AFF3: variants seen among roughly 807,000 people sequenced by gnomAD.
The protein encoded by AFF3 is AF4/FMR2 family member 3.
In AFF3, 32 loss-of-function variants were observed where a neutral mutation model predicts 129.7. That is an observed-to-expected ratio of 0.25 (90% CI 0.19 to 0.33). The LOEUF is 0.33. AFF3 is among the 10% of genes least tolerant of loss of function. The pLI is 1.00. For synonymous variants in AFF3, 644 were observed against 635.4 expected, an observed-to-expected ratio of 1.01 and a Z score of -0.20; for missense variants, 1,373 against 1,592.0, an observed-to-expected ratio of 0.86 and a Z score of 2.34.
chr2:99,938,676 G>A (rs574118157), intron 7 of AFF3, among the ~76,000 whole-genome samples: 2 of 152,284 alleles, frequency 1.3e-5, no homozygotes, highest in African/African-American at 4.8e-5. Context: ...GGCCCTCAGG[G>A]AAGAGGGAAT....
intron 10 of AFF3, among the ~76,000 whole-genome samples, chr2:99,738,592 G>A (rs1034256981): frequency 2.6e-5 from 4 of 151,806 alleles, no homozygotes; most frequent in Non-Finnish European, 4.4e-5. Context: ...TCTTTTTGGC[G>A]TCACTGGTTA....
chr2:99,678,706 T>A (rs1168241184), intron 11 of AFF3, among the ~76,000 whole-genome samples: 12 of 152,278 alleles, frequency 7.9e-5, no homozygotes, highest in Admixed American at 7.8e-4. Flanking sequence ...GACAAATGTT[T>A]ATGAATCTCC....
intron 8 of AFF3, among the ~76,000 whole-genome samples, chr2:99,806,466 G>T (rs1372894279): frequency 6.6e-6 from 1 of 152,172 alleles, no homozygotes; most frequent in Admixed American, 6.5e-5. Flanking sequence ...GGAGCATGGA[G>T]GAGGATGAGG....
At chr2:99,627,911 A>G (rs1436251459) in intron 13 of AFF3, among the ~76,000 whole-genome samples, 1 of 144,222 alleles carries the variant, frequency 6.9e-6, no homozygotes, top group Non-Finnish European at 1.5e-5. Context: ...ATTCTGTTCC[A>G]TTGGTCTATG....
At chr2:100,002,827 A>G (rs1034990712) in intron 7 of AFF3, among the ~76,000 whole-genome samples, 16 of 152,158 alleles carry the variant, frequency 1.1e-4, no homozygotes, top group Non-Finnish European at 2.9e-5. Context: ...AACTTGTCAA[A>G]CCACCAACTG....
intron 7 of AFF3, among the ~76,000 whole-genome samples, chr2:99,920,647 G>C (rs992954680): frequency 2.6e-5 from 4 of 151,890 alleles, no homozygotes; most frequent in African/African-American, 4.8e-5. Flanking sequence ...AGACAAAAAA[G>C]TCCACTCTCA....
At chr2:99,763,262 T>G (rs1682764206) in intron 8 of AFF3, among the ~76,000 whole-genome samples, 1 of 152,222 alleles carries the variant, frequency 6.6e-6, no homozygotes, top group Non-Finnish European at 1.5e-5. Flanking sequence ...GAAGTCACAC[T>G]TAAAACCTTT....
At chr2:100,092,151 G>A (rs1689912037) in intron 4 of AFF3, among the ~76,000 whole-genome samples, 1 of 151,958 alleles carries the variant, frequency 6.6e-6, no homozygotes, top group African/African-American at 2.4e-5. Context: ...TATCTTCATG[G>A]TCCAAGGGCA....
intron 13 of AFF3, among the ~76,000 whole-genome samples, chr2:99,610,030 G>C (rs946044376): frequency 1.3e-5 from 2 of 152,114 alleles, no homozygotes; most frequent in Non-Finnish European, 2.9e-5. Flanking sequence ...TCTTCTTCTG[G>C]ACAACGAGTT....
intron 11 of AFF3, among the ~76,000 whole-genome samples, chr2:99,725,177 GAT>G (rs147044296): frequency 0.023 from 3,503 of 151,976 alleles, 131 homozygotes; most frequent in African/African-American, 0.079. Flanking sequence ...GTTTCAGCAT[GAT>G]GGTCAGGCTA....
chr2:100,065,746 A>G lies in AFF3; in HGVS notation c.53+38656T>C, dbSNP rs145353767. Among the ~76,000 whole-genome samples, 787 of 152,320 alleles carry G rather than the reference A, an allele frequency of 5.2e-3. 19 individuals carry two copies. The highest frequency in any genetic ancestry group is 4.0e-3 in the East Asian group (21 of 5,188). The stretch of plus-strand genomic sequence containing the variant: ...TTCCACTCAAAAATCTATTCTCAAA[A>G]GATATATTAGAATCTTTTTAAAACA... On this transcript the variant is annotated intron_variant, in intron 4 of 24. Transcript: ENST00000672756.
At position 99,554,284 on chromosome 2, in the gene AFF3, C is replaced by G. The variant is rs775859916; in HGVS notation, c.3559+27G>C. 5.0e-6 allele frequency: 8 copies of G among 1,612,788 alleles called. No individual in the cohort carries two copies. In the East Asian group the frequency reaches 1.8e-4, roughly 36 times the overall value. ...GCTTGAACCCGGGAGGCGGAAGCCC[C>G]TGGTTCCCCGTGGGGTGTGCGCTCA... On this transcript the variant is annotated intron_variant, in intron 24 of 24. Transcript: ENST00000672756.
At chr2:99,710,983 G>A (rs1677837885) in intron 11 of AFF3, among the ~76,000 whole-genome samples, 1 of 152,090 alleles carries the variant, frequency 6.6e-6, no homozygotes, top group African/African-American at 2.4e-5. Flanking sequence ...AGCCCCTGCG[G>A]TTTCCAAGGC....
At chr2:99,615,990 C>CT (rs1681388066) in intron 13 of AFF3, among the ~76,000 whole-genome samples, 1 of 152,222 alleles carries the variant, frequency 6.6e-6, no homozygotes, top group African/African-American at 2.4e-5. Flanking sequence ...GCCTGATACT[C>CT]TGAGCTTCTT....
chr2:99,859,818 C>T (rs770723873), intron 7 of AFF3, among the ~76,000 whole-genome samples: 24 of 152,156 alleles, frequency 1.6e-4, no homozygotes, highest in Non-Finnish European at 3.1e-4. Context: ...CAACATGCTA[C>T]AGAAGGGCCA....
chr2:99,949,532 G>A (rs1191891891), intron 7 of AFF3, among the ~76,000 whole-genome samples: 1 of 151,750 alleles, frequency 6.6e-6, no homozygotes, highest in Non-Finnish European at 1.5e-5. Context: ...AGAATCAGTG[G>A]GAACCCAGAG....
chr2:100,048,942 A>C lies in AFF3; in HGVS notation c.54-40010T>G, dbSNP rs574717970. 3.9e-5 allele frequency among the ~76,000 whole-genome samples: 6 copies of C among 152,346 alleles called. No individual in the cohort carries two copies. In the East Asian group the frequency reaches 1.2e-3, roughly 29 times the overall value. On this transcript the variant is annotated intron_variant, in intron 4 of 24. Transcript: ENST00000672756. Reference sequence around the variant, plus strand: ...ATATAAAAAGCAAATTCGGTTTTTTAAAATAAAAAAGACATGGCTTTTTTC... The same window carrying C: ...ATATAAAAAGCAAATTCGGTTTTTTCAAATAAAAAAGACATGGCTTTTTTC...
Position 99,757,285 on chromosome 2 carries a change from C to T in AFF3, c.922-4984G>A, listed in dbSNP as rs754573244. 3.3e-5 allele frequency among the ~76,000 whole-genome samples: 5 copies of T among 152,132 alleles called. 1 individual carries two copies. Among genetic ancestry groups the T allele is most frequent in the Non-Finnish European group, 7.3e-5 (5 of 68,034 alleles). ...GCCACTCAACCTGGGTGCTCATGAG[C>T]GATTCAAACTCACCATGTTTAAAGC... is the stretch of plus-strand genomic sequence containing the variant. On this transcript the variant is annotated intron_variant, in intron 8 of 24. Transcript: ENST00000672756.
intron 18 of AFF3, among the ~76,000 whole-genome samples, chr2:99,569,743 G>A (rs943304921): frequency 7.9e-5 from 12 of 152,198 alleles, no homozygotes; most frequent in South Asian, 4.2e-4. Flanking sequence ...TTTAGGCACC[G>A]GCAGCATAAA....
Sources: allele counts gnomAD v4.1 joint callset (sites outside exome capture counted in the v4.1 genomes callset), GRCh38; gene constraint gnomAD v4.1.1; transcripts MANE v1.5; gene names NCBI Gene and HGNC (gene_info 2026-07-23, HGNC 2026-07-21).